The following EEFSEC variants were observed in gnomAD, a reference collection of about 807,000 sequenced individuals.
EEFSEC encodes the protein eukaryotic elongation factor, selenocysteine-tRNA specific, also known as selenocysteine-specific elongation factor.
Under a neutral mutation model 42.1 loss-of-function variants are expected in EEFSEC, and 43 were observed. The observed-to-expected ratio is 1.02, with a 90% confidence interval of 0.80 to 1.32. The LOEUF (loss-of-function observed/expected upper bound fraction) is 1.32. Ranked by LOEUF, EEFSEC falls within the 40% of genes most tolerant of loss-of-function variation. The pLI is 0.00. For missense variants in EEFSEC, 745 were observed against 803.6 expected (o/e 0.93, Z 0.88); for synonymous variants, 354 against 339.1 (o/e 1.04, Z -0.48).
At chr3:128,159,797 C>T (rs1275083520) in intron 1 of EEFSEC, among the ~76,000 whole-genome samples, 2 of 152,224 alleles carry the variant, frequency 1.3e-5, no homozygotes, top group Non-Finnish European at 2.9e-5. Context: ...AGCAGCCTCT[C>T]CTGCCCCACC....
chr3:128,264,910 C>T (rs982516942), intron 4 of EEFSEC, 129 bp downstream of exon 4: 2 of 1,155,102 alleles, frequency 1.7e-6, no homozygotes, highest in South Asian at 1.6e-5. Context: ...CTGCTCCGCC[C>T]CACCTCCCCT....
At chr3:128,341,161 G>A (rs1026276978) in intron 4 of EEFSEC, 72 bp from the exon 5 acceptor site, 8 of 1,517,024 alleles carry the variant, frequency 5.3e-6, no homozygotes, top group Middle Eastern at 1.8e-4. Context: ...TTCTCTAGCT[G>A]CAGCTCCCCT....
chr3:128,305,757 T>C (rs2066819199), intron 4 of EEFSEC, among the ~76,000 whole-genome samples: 1 of 152,236 alleles, frequency 6.6e-6, no homozygotes, highest in Non-Finnish European at 1.5e-5. Flanking sequence ...ATCTATCAAT[T>C]CTATTATTCC....
At chr3:128,362,705 T>C (rs2067542707) in intron 6 of EEFSEC, among the ~76,000 whole-genome samples, 1 of 152,202 alleles carries the variant, frequency 6.6e-6, no homozygotes, top group African/African-American at 2.4e-5. Context: ...AGGTAACAAC[T>C]GACCATGGAA....
At chr3:128,287,366 G>A (rs2066597049) in intron 4 of EEFSEC, among the ~76,000 whole-genome samples, 1 of 152,318 alleles carries the variant, frequency 6.6e-6, no homozygotes, top group East Asian at 1.9e-4. Context: ...GGGGCCCTGG[G>A]AAGTGGAGTC....
chr3:128,320,466 C>G (rs2066995030), intron 4 of EEFSEC, among the ~76,000 whole-genome samples: 1 of 152,134 alleles, frequency 6.6e-6, no homozygotes, highest in Non-Finnish European at 1.5e-5. Context: ...TCACAAATGC[C>G]CAATTAGTTA....
intron 6 of EEFSEC, among the ~76,000 whole-genome samples, chr3:128,373,356 C>T (rs1413825517): frequency 6.6e-6 from 1 of 152,206 alleles, no homozygotes; most frequent in Non-Finnish European, 1.5e-5. Context: ...TCCACCTGGG[C>T]TCTCTCACCT....
chr3:128,409,681 G>C (rs1429724707), downstream of EEFSEC, among the ~76,000 whole-genome samples: 2 of 152,214 alleles, frequency 1.3e-5, no homozygotes, highest in East Asian at 3.8e-4. Flanking sequence ...GCGGGTGCCA[G>C]GGCGGCTTGT....
chr3:128,171,339 G>T (rs1036398999), intron 1 of EEFSEC, among the ~76,000 whole-genome samples: 1 of 151,338 alleles, frequency 6.6e-6, no homozygotes, highest in Non-Finnish European at 1.5e-5. Flanking sequence ...TTCTTTCAAG[G>T]TTTATTTTTA....
At chr3:128,335,036 C>A (rs1038689412) in intron 4 of EEFSEC, among the ~76,000 whole-genome samples, 10 of 152,220 alleles carry the variant, frequency 6.6e-5, no homozygotes, top group Admixed American at 2.6e-4. Context: ...GCCTGGCCAG[C>A]CCCAGGACCA....
chr3:128,403,062 G>C (rs936810359), intron 6 of EEFSEC, among the ~76,000 whole-genome samples: 2 of 152,080 alleles, frequency 1.3e-5, no homozygotes, highest in African/African-American at 4.8e-5. Context: ...GCATGAGGGG[G>C]TTGTAGTTCT....
chr3:128,265,738 C>T (rs2066346670), intron 4 of EEFSEC, among the ~76,000 whole-genome samples: 1 of 152,194 alleles, frequency 6.6e-6, no homozygotes, highest in African/African-American at 2.4e-5. Flanking sequence ...TGTATTGAGG[C>T]ATTTTAAGGT....
At chr3:128,414,368 C>G in the EEFSEC span, among the ~76,000 whole-genome samples, 2 of 152,182 alleles carry the variant, frequency 1.3e-5, no homozygotes, top group African/African-American at 4.8e-5. Context: ...CTCTTCAGCT[C>G]CTTCTAGGGT....
chr3:128,413,928 C>T, the EEFSEC span, among the ~76,000 whole-genome samples: 1 of 152,244 alleles, frequency 6.6e-6, no homozygotes, highest in Non-Finnish European at 1.5e-5. Context: ...GGCACAGAGG[C>T]AACGGAGCTG....
intron 4 of EEFSEC, among the ~76,000 whole-genome samples, chr3:128,340,645 A>G (rs2067239805): frequency 6.6e-6 from 1 of 152,188 alleles, no homozygotes; most frequent in African/African-American, 2.4e-5. Context: ...CAGATACACA[A>G]TAGACAGTGA....
chr3:128,409,717 C>G (rs2068160611), downstream of EEFSEC, among the ~76,000 whole-genome samples: 1 of 152,210 alleles, frequency 6.6e-6, no homozygotes, highest in East Asian at 1.9e-4. Context: ...GGACAGCCCT[C>G]TGCCTAGGAG....
chr3:128,210,685 GC>G (rs2065747163), intron 1 of EEFSEC, among the ~76,000 whole-genome samples: 1 of 152,192 alleles, frequency 6.6e-6, no homozygotes, highest in South Asian at 2.1e-4. Flanking sequence ...CTCAGATTCA[GC>G]CAATTCCTAC....
intron 1 of EEFSEC, among the ~76,000 whole-genome samples, chr3:128,189,196 C>T (rs2065495976): frequency 6.6e-6 from 1 of 152,336 alleles, no homozygotes; most frequent in Admixed American, 6.5e-5. Flanking sequence ...CCTGTGAGCA[C>T]TGGTTCTCTG....
chr3:128,347,207 C>T (rs1016837635), intron 5 of EEFSEC, among the ~76,000 whole-genome samples: 1 of 151,386 alleles, frequency 6.6e-6, no homozygotes, highest in African/African-American at 2.4e-5. Context: ...GATTTTTTCA[C>T]ATAAGTCCAC....
Sources: gnomAD v4.1 joint callset for allele counts (sites outside exome capture counted in the v4.1 genomes callset) on GRCh38, gnomAD v4.1.1 for gene constraint, MANE v1.5 for transcripts, NCBI Gene and HGNC (gene_info 2026-07-23, HGNC 2026-07-21) for gene names.